Variants in CXorf66 observed in about 807,000 individuals in gnomAD.
CXorf66 encodes the protein chromosome X open reading frame 66.
Under a neutral mutation model 5.0 loss-of-function variants are expected in CXorf66, and 6 were observed. The ratio of observed to expected loss-of-function variants is 1.20; its 90% confidence interval spans 0.65 to 2.36. CXorf66 has a LOEUF of 2.36. Ranked by LOEUF, CXorf66 falls within the 30% of genes most tolerant of loss-of-function variation. CXorf66 has a pLI of 0.00. For missense variants in CXorf66, 270 were observed against 254.9 expected, an observed-to-expected ratio of 1.06 and a Z score of -0.40; for synonymous variants, 98 against 102.8, an observed-to-expected ratio of 0.95 and a Z score of 0.28.
chrX:139,958,268 T>C (rs764843273), intron 1 of CXorf66, 51 bp from the exon 2 acceptor site: 10 of 919,550 alleles, frequency 1.1e-5, no homozygotes, highest in Non-Finnish European at 1.3e-5. Context: ...CAAGTTTTTT[T>C]CCACATTGAT....
At chrX:139,964,625 C>A (rs1172886391) in intron 1 of CXorf66, among the ~76,000 whole-genome samples, 1 of 111,493 alleles carries the variant, frequency 9.0e-6, no homozygotes, top group Non-Finnish European at 1.9e-5. Flanking sequence ...ATGTTTATTG[C>A]AGCACTATTT....
chrX:139,963,402 GA>G (rs2085601635), intron 1 of CXorf66, among the ~76,000 whole-genome samples: 2 of 111,682 alleles, frequency 1.8e-5, no homozygotes, highest in African/African-American at 6.5e-5. Context: ...ACTGCTCAAG[GA>G]AATAAGAGAG....
intron 1 of CXorf66, among the ~76,000 whole-genome samples, chrX:139,964,107 A>C (rs1287516172): frequency 8.9e-6 from 1 of 112,121 alleles, no homozygotes. Flanking sequence ...AAAAGAAACT[A>C]TCATCAGAGT....
At chrX:139,958,460 T>C (rs182046472) in intron 1 of CXorf66, among the ~76,000 whole-genome samples, 2 of 112,128 alleles carry the variant, frequency 1.8e-5, no homozygotes, top group East Asian at 5.6e-4. Flanking sequence ...GGCTTGCTTA[T>C]CACATTACCC....
At chrX:139,958,262 T>G (rs776345245) in intron 1 of CXorf66, 45 bp from the exon 2 acceptor site, 2 of 989,495 alleles carry the variant, frequency 2.0e-6, no homozygotes, top group Non-Finnish European at 2.7e-6. Flanking sequence ...AGTAACCAAG[T>G]TTTTTTCCAC....
chrX:139,963,095 G>A lies in CXorf66; in HGVS notation c.88+2314C>T, dbSNP rs182135580. The stretch of plus-strand genomic sequence containing the variant: ...GGGCAATCGGGCCAGAAATAAAAGC[G>A]TATTCAAATAGAAAGAAAGTCAAAT... On this transcript the variant is annotated intron_variant, in intron 1 of 2. Coordinates refer to ENST00000370540, the MANE Select transcript of CXorf66 (RefSeq NM_001013403.3). 2.2e-3 allele frequency among the ~76,000 whole-genome samples: 249 copies of A among 110,729 alleles called. 2 individuals are homozygous for A. The highest frequency in any genetic ancestry group is 7.7e-3 in the African/African-American group (236 of 30,585).
Position 139,956,636 on chromosome X carries a change from C to G in CXorf66, c.346G>C (p.Ala116Pro), listed in dbSNP as rs2085574815. 1 of 1,209,395 alleles carries G rather than the reference C, an allele frequency of 8.3e-7. No homozygotes were observed. Among genetic ancestry groups the G allele is most frequent in the Admixed American group, 2.2e-5 (1 of 45,533 alleles). The change falls in exon 3 of 3, where the codon GCA becomes CCA. Residue 116 changes from alanine to proline, a missense_variant. Transcript: ENST00000370540. ...SPETQPMLST[A>P]DKSSDSSSPE... ...CTCGATGAATCAGATGACTTGTCTG[C>G]AGTAGATAGCATGGGTTGTGTTTCT...
intron 1 of CXorf66, among the ~76,000 whole-genome samples, chrX:139,962,690 C>T (rs929311056): frequency 1.2e-4 from 13 of 111,458 alleles, no homozygotes; most frequent in South Asian, 3.7e-4. Flanking sequence ...ACTGGCAAAC[C>T]GAATCCAGCA....
Position 139,955,876 on chromosome X carries a change from A to G in CXorf66, c.*20T>C. On this transcript the variant is annotated 3_prime_UTR_variant, in exon 3 of 3. Transcript: ENST00000370540. ...TATAAGTTTGCTCTTTCACACTTGG[A>G]TTTTATTTTTGTTGAGCTCCTAATC... 1 of 1,158,808 alleles carries G rather than the reference A, an allele frequency of 8.6e-7. No individual in the cohort carries two copies. Among genetic ancestry groups the G allele is most frequent in the Non-Finnish European group, 1.1e-6 (1 of 871,141 alleles).
intron 1 of CXorf66, among the ~76,000 whole-genome samples, chrX:139,962,919 A>G (rs201483965): frequency 9.2e-5 from 10 of 108,215 alleles, no homozygotes; most frequent in Admixed American, 2.0e-4. Flanking sequence ...GATGGAACAT[A>G]TCTCAAAATA....
intron 1 of CXorf66, among the ~76,000 whole-genome samples, chrX:139,961,847 G>T (rs1026520458): frequency 8.9e-6 from 1 of 111,735 alleles, no homozygotes; most frequent in Non-Finnish European, 1.9e-5. Context: ...AATTAAGTCA[G>T]AAATAAAGAA....
At chrX:139,959,052 G>A (rs113466736) in intron 1 of CXorf66, among the ~76,000 whole-genome samples, 1 of 111,687 alleles carries the variant, frequency 9.0e-6, no homozygotes, top group Non-Finnish European at 1.9e-5. Flanking sequence ...GCACCTGGAA[G>A]CCCAGTGAGA....
chrX:139,961,664 A>T (rs921089541), intron 1 of CXorf66, among the ~76,000 whole-genome samples: 1 of 112,030 alleles, frequency 8.9e-6, no homozygotes, highest in East Asian at 2.8e-4. Context: ...CAACCACGTG[A>T]TTGGAAGTAA....
chrX:139,962,671 C>G (rs1043305434), intron 1 of CXorf66, among the ~76,000 whole-genome samples: 3 of 111,869 alleles, frequency 2.7e-5, no homozygotes, highest in African/African-American at 9.7e-5. Flanking sequence ...CTAAAATTCT[C>G]AATAAAATAC....
intron 2 of CXorf66, 69 bp from the exon 3 acceptor site, chrX:139,956,808 C>T (rs1167853281): frequency 1.9e-5 from 19 of 1,007,562 alleles, no homozygotes; most frequent in Middle Eastern, 2.7e-4. Context: ...TATCGGAGAA[C>T]GTATGGTACT....
chrX:139,960,863 C>T (rs1454684399), intron 1 of CXorf66, among the ~76,000 whole-genome samples: 3 of 111,450 alleles, frequency 2.7e-5, no homozygotes, highest in African/African-American at 9.8e-5. Flanking sequence ...AAAATCCTTT[C>T]CAGACAAGCA....
At chrX:139,963,683 C>G (rs1378150752) in intron 1 of CXorf66, among the ~76,000 whole-genome samples, 1 of 85,577 alleles carries the variant, frequency 1.2e-5, no homozygotes, top group Non-Finnish European at 2.2e-5. Context: ...CTACAGTAAC[C>G]AAAACAGTAT....
Position 139,965,120 on chromosome X carries a change from C to T in CXorf66, c.88+289G>A, listed in dbSNP as rs1926661384. On this transcript the variant is annotated intron_variant, in intron 1 of 2. Transcript: ENST00000370540. ...AATAAACCCCTACTGTATGTTAAGTCCCTTGCCAGATTCATTTATATAGTA... is the reference window on the plus strand; with the variant it reads ...AATAAACCCCTACTGTATGTTAAGTTCCTTGCCAGATTCATTTATATAGTA... Among the ~76,000 whole-genome samples the T allele has an allele frequency of 3.6e-5, 4 of 111,407 alleles. No homozygotes were observed. In the South Asian group the frequency reaches 1.5e-3, roughly 42 times the overall value.
rs780283362 is a variant in CXorf66, at chrX:139,961,491, A to C, written c.89-3274T>G. ...CCACACAATAATAGTGGGAAACTTT[A>C]ACATCCCACTGTCAATATTAGACAG... On this transcript the variant is annotated intron_variant, in intron 1 of 2. Transcript: ENST00000370540. Among the ~76,000 whole-genome samples, 4 of 112,069 alleles carry C rather than the reference A, an allele frequency of 3.6e-5. No individual in the cohort carries two copies. In the South Asian group the frequency reaches 1.5e-3, roughly 42 times the overall value.
Sources: gnomAD v4.1 joint callset for allele counts (sites outside exome capture counted in the v4.1 genomes callset) on GRCh38, gnomAD v4.1.1 for gene constraint, MANE v1.5 for transcripts, NCBI Gene and HGNC (gene_info 2026-07-23, HGNC 2026-07-21) for gene names.